The following ECT2 variants were observed in gnomAD, a reference collection of about 807,000 sequenced individuals.
The protein encoded by ECT2 is epithelial cell transforming 2, also known as protein ECT2.
In ECT2, 61 loss-of-function variants were observed where a neutral mutation model predicts 116.9. The observed-to-expected ratio is 0.52, with a 90% CI of 0.42 to 0.65. The LOEUF is 0.65. Ranked by LOEUF, ECT2 falls within the 30% of genes least tolerant of loss-of-function variation. The pLI, the probability that ECT2 is intolerant of heterozygous loss-of-function variation, is 0.00. For missense variants in ECT2, 937 were observed against 1,078.7 expected (o/e 0.87, Z 1.84); for synonymous variants, 358 against 346.4 (o/e 1.03, Z -0.37).
Position 172,755,495 on chromosome 3 carries a change from A to G in ECT2, c.223A>G (p.Met75Val), listed in dbSNP as rs1033496276. ...LIKALKTIKI[M>V]EVPVIKIKES... is the part of the protein sequence containing the mutation. ...CTCTTTTCCACAGACTATTAAAATA[A>G]TGGAAGTCCCTGTTATAAAGATAAA... Residue 75 changes from methionine to valine, a missense_variant, in exon 4 of 25, where the codon ATG becomes GTG. By Grantham distance (21) the Met-to-Val change is conservative. Coordinates refer to ENST00000392692, the MANE Select transcript of ECT2 (RefSeq NM_001258315.2). 20 of 1,505,422 alleles carry G rather than the reference A, an allele frequency of 1.3e-5. No individual in the cohort carries two copies. Among genetic ancestry groups the G allele is most frequent in the Non-Finnish European group, 1.8e-5 (20 of 1,116,628 alleles). The allele number at this position is 1,505,422 out of a possible 1,614,324, so 93.3% of individuals were successfully genotyped here. A position where few individuals can be genotyped will look rare whatever the true frequency, so the allele number is the denominator to read the frequency against.
intron 22 of ECT2, among the ~76,000 whole-genome samples, chr3:172,813,437 T>A (rs1404511210): frequency 1.3e-5 from 2 of 152,082 alleles, no homozygotes; most frequent in African/African-American, 4.8e-5. Flanking sequence ...GTTGAAGCAG[T>A]ATACCCTTTT....
intron 18 of ECT2, among the ~76,000 whole-genome samples, chr3:172,795,414 A>G (rs2108889857): frequency 6.6e-6 from 1 of 152,234 alleles, no homozygotes; most frequent in African/African-American, 2.4e-5. Flanking sequence ...TGTTGCTGCT[A>G]AATGTTTTAA....
At chr3:172,818,521 C>G in intron 24 of ECT2, 1 of 1,217,768 alleles carries the variant, frequency 8.2e-7, no homozygotes, top group Non-Finnish European at 1.0e-6. Context: ...ATGTCATCTT[C>G]TCAATTGCTT....
In ECT2 at chr3:172,816,853, T is replaced by G; in HGVS notation, c.2655+16T>G. The G allele has an allele frequency of 1.3e-6, 2 of 1,537,040 alleles. No individual in the cohort carries two copies. The highest frequency in any genetic ancestry group is 1.8e-6 in the Non-Finnish European group (2 of 1,128,530). On this transcript the variant is annotated intron_variant, in intron 24 of 24. Transcript: ENST00000392692. Reference sequence around the variant, plus strand: ...ATCATTAGCAGTAAGTTATTTTGATTTAATGGGGTAAATGACTTATTTATG... The same window carrying G: ...ATCATTAGCAGTAAGTTATTTTGATGTAATGGGGTAAATGACTTATTTATG...
In ECT2 at chr3:172,785,251, A is replaced by G. The variant is rs28692587; in HGVS notation, c.1825+448A>G. On this transcript the variant is annotated intron_variant, in intron 17 of 24. Coordinates refer to ENST00000392692, the MANE Select transcript of ECT2 (RefSeq NM_001258315.2). Reference sequence around the variant, plus strand: ...TTCAGAATACTCTTGAAACATATCTATTTATTCTAGAACTGAACTATAGGT... The same window carrying G: ...TTCAGAATACTCTTGAAACATATCTGTTTATTCTAGAACTGAACTATAGGT... Among the ~76,000 whole-genome samples, 483 of 152,262 alleles carry G rather than the reference A, an allele frequency of 3.2e-3. 5 individuals carry two copies. Among genetic ancestry groups the G allele is most frequent in the African/African-American group, 0.011 (457 of 41,554 alleles).
chr3:172,792,451 CTTTT>C (rs34510739), intron 18 of ECT2, among the ~76,000 whole-genome samples: 1 of 143,338 alleles, frequency 7.0e-6, no homozygotes, highest in Non-Finnish European at 1.5e-5. Context: ...TTTTATCTGG[CTTTT>C]TTTTTTTTTT....
intron 12 of ECT2, among the ~76,000 whole-genome samples, chr3:172,767,377 G>A (rs753877974): frequency 2.6e-5 from 4 of 152,120 alleles, no homozygotes; most frequent in Admixed American, 1.3e-4. Context: ...GGAAGTGGAC[G>A]TTGCAGTGAG....
intron 19 of ECT2, 66 bp downstream of exon 19, chr3:172,802,760 A>G: frequency 1.3e-6 from 2 of 1,506,582 alleles, no homozygotes; most frequent in Non-Finnish European, 1.8e-6. Flanking sequence ...CTGTGGTTTT[A>G]ATATAAATAA....
intron 7 of ECT2, among the ~76,000 whole-genome samples, chr3:172,761,302 A>G (rs981770587): frequency 2.0e-5 from 3 of 152,138 alleles, no homozygotes; most frequent in African/African-American, 7.2e-5. Context: ...CTGTAGTGCC[A>G]TCTTGAGGGT....
Position 172,764,347 on chromosome 3 carries a change from C to T in ECT2, c.1138C>T (p.Arg380Ter), listed in dbSNP as rs887122995. 1.6e-5 allele frequency: 26 copies of T among 1,614,002 alleles called. No homozygotes were observed. Among genetic ancestry groups the T allele is most frequent in the Non-Finnish European group, 2.1e-5 (25 of 1,180,000 alleles). ...SLNTPNSNRK[R>*]RRLKETLAQL... The stretch of plus-strand genomic sequence containing the variant: ...AAATACCCCTAACAGCAATCGCAAA[C>T]GACGTCGTTTAAAAGAAACACTTGC... The change falls in exon 12 of 25, where the codon CGA becomes TGA. Residue 380 changes from arginine to a stop codon, truncating the protein, a stop_gained. Transcript: ENST00000392692. LOFTEE classifies it high-confidence loss of function.
At chr3:172,782,797 T>G (rs1722947345) in intron 15 of ECT2, among the ~76,000 whole-genome samples, 1 of 152,194 alleles carries the variant, frequency 6.6e-6, no homozygotes, top group Non-Finnish European at 1.5e-5. Flanking sequence ...GATGTTTGGT[T>G]TTCTGTTCCT....
intron 1 of ECT2, among the ~76,000 whole-genome samples, chr3:172,753,634 C>T (rs1180338735): frequency 6.6e-6 from 1 of 152,074 alleles, no homozygotes; most frequent in Non-Finnish European, 1.5e-5. Flanking sequence ...GAGGATGAGT[C>T]AAGAGTGTTG....
At chr3:172,761,311 G>A (rs1260237658) in intron 7 of ECT2, among the ~76,000 whole-genome samples, 2 of 152,000 alleles carry the variant, frequency 1.3e-5, no homozygotes, top group African/African-American at 4.8e-5. Flanking sequence ...CATCTTGAGG[G>A]TCATACTTTC....
chr3:172,795,605 T>C (rs1725499450), intron 18 of ECT2, among the ~76,000 whole-genome samples: 1 of 152,188 alleles, frequency 6.6e-6, no homozygotes, highest in Non-Finnish European at 1.5e-5. Context: ...AGGTTATAAT[T>C]TTGATTAATA....
chr3:172,777,827 A>T (rs1722014596), intron 14 of ECT2, among the ~76,000 whole-genome samples: 1 of 152,216 alleles, frequency 6.6e-6, no homozygotes, highest in African/African-American at 2.4e-5. Flanking sequence ...TGAACCCAGG[A>T]GGCAGAGGTT....
At chr3:172,760,064 G>A in intron 6 of ECT2, 92 bp from the exon 7 acceptor site, 2 of 652,540 alleles carry the variant, frequency 3.1e-6, no homozygotes, top group Non-Finnish European at 5.0e-6. Context: ...TAAATAGAAA[G>A]TATTTAGCAA....
chr3:172,802,938 A>C lies in ECT2; in HGVS notation c.2064A>C (p.Arg688Ser), dbSNP rs772166829. 3 of 1,613,002 alleles carry C rather than the reference A, an allele frequency of 1.9e-6. No individual in the cohort carries two copies. ...TISLGEHPCD[R>S]GEQVTLFLFN... Reference sequence around the variant, plus strand: ...CTCTAGGTGAGCACCCCTGTGACAGAGGAGAACAAGTAACTCTCTTCCTCT... The same window carrying C: ...CTCTAGGTGAGCACCCCTGTGACAGCGGAGAACAAGTAACTCTCTTCCTCT... The change falls in exon 20 of 25, where the codon AGA becomes AGC. Residue 688 changes from arginine to serine, a missense_variant. Transcript: ENST00000392692.
At chr3:172,752,919 T>C (rs910202444) in intron 1 of ECT2, among the ~76,000 whole-genome samples, 2 of 152,206 alleles carry the variant, frequency 1.3e-5, no homozygotes, top group Admixed American at 1.3e-4. Context: ...GTTTAAACTG[T>C]TACTTTGCTA....
chr3:172,792,404 C>T (rs992171774), intron 18 of ECT2, among the ~76,000 whole-genome samples: 5 of 149,380 alleles, frequency 3.3e-5, no homozygotes, highest in African/African-American at 1.2e-4. Context: ...CGAGGGATGC[C>T]TATATGCACT....
Sources: allele counts gnomAD v4.1 joint callset (sites outside exome capture counted in the v4.1 genomes callset), GRCh38; gene constraint gnomAD v4.1.1; transcripts MANE v1.5; gene names NCBI Gene and HGNC (gene_info 2026-07-23, HGNC 2026-07-21).